The following GDAP2 variants were observed in gnomAD, a reference collection of about 807,000 sequenced individuals.
GDAP2 encodes ganglioside-induced differentiation-associated protein 2.
A neutral mutation model predicts 67.0 loss-of-function variants in GDAP2; 51 were observed. That is an observed-to-expected ratio of 0.76 (90% CI 0.61 to 0.96). GDAP2 has a LOEUF of 0.96. Ranked by LOEUF, GDAP2 falls within the 40% of genes least tolerant of loss-of-function variation. The pLI is 0.00. For synonymous variants in GDAP2, 203 were observed against 207.3 expected (o/e 0.98, Z 0.18); for missense variants, 547 against 588.3 (o/e 0.93, Z 0.73).
chr1:117,906,395 AGAT>A (rs1487571242), intron 6 of GDAP2, 108 bp downstream of exon 6: 42 of 658,236 alleles, frequency 6.4e-5, no homozygotes, highest in Non-Finnish European at 1.0e-4. Context: ...ATACATACAT[AGAT>A]CATTAGGATT....
At chr1:117,884,818 G>A (rs992805623) in intron 10 of GDAP2, among the ~76,000 whole-genome samples, 2 of 140,634 alleles carry the variant, frequency 1.4e-5, no homozygotes, top group Non-Finnish European at 1.5e-5. Context: ...CCCTCCGTGT[G>A]TGTGTGTGTG....
intron 13 of GDAP2, among the ~76,000 whole-genome samples, chr1:117,873,153 C>A (rs1294254724): frequency 6.6e-6 from 1 of 152,152 alleles, no homozygotes; most frequent in East Asian, 1.9e-4. Flanking sequence ...GCTGAGCAAT[C>A]AAATATTTTT....
chr1:117,927,302 G>C (rs1183312714), intron 1 of GDAP2, among the ~76,000 whole-genome samples: 1 of 151,936 alleles, frequency 6.6e-6, no homozygotes, highest in African/African-American at 2.4e-5. Context: ...GGATTGGCTA[G>C]AGAGATCAGA....
At position 117,922,368 on chromosome 1, in the gene GDAP2, G is replaced by A. The variant is rs560396673; in HGVS notation, c.-67-1944C>T. Among the ~76,000 whole-genome samples, 18 of 152,282 alleles carry A rather than the reference G, an allele frequency of 1.2e-4. 1 individual carries two copies. The South Asian group carries it at 3.3e-3, about 28-fold the overall frequency. ...AAAGGAAGGTAAACCAGGAAAGCAT[G>A]GTGGCCTAAAAGCCAAGTGAAGAAA... On this transcript the variant is annotated intron_variant, in intron 1 of 13. Transcript: ENST00000369443.
intron 5 of GDAP2, among the ~76,000 whole-genome samples, chr1:117,910,271 G>A (rs936697270): frequency 3.3e-5 from 5 of 151,734 alleles, no homozygotes; most frequent in African/African-American, 9.7e-5. Context: ...TTTGTACAAC[G>A]GACACCACAC....
intron 8 of GDAP2, among the ~76,000 whole-genome samples, chr1:117,890,834 T>C (rs574001308): frequency 6.6e-6 from 1 of 152,240 alleles, no homozygotes; most frequent in African/African-American, 2.4e-5. Context: ...TTTTGACTTA[T>C]CATATTGCTA....
chr1:117,900,469 A>G (rs1448218608), intron 6 of GDAP2, among the ~76,000 whole-genome samples: 1 of 152,148 alleles, frequency 6.6e-6, no homozygotes. Flanking sequence ...TGGACATTTC[A>G]TAAAAATGGA....
chr1:117,916,484 C>T (rs139040883), intron 3 of GDAP2, among the ~76,000 whole-genome samples: 9 of 152,188 alleles, frequency 5.9e-5, no homozygotes, highest in African/African-American at 1.9e-4. Flanking sequence ...TTGAAGTAAA[C>T]GAACAATAAG....
rs527499118 is a variant in GDAP2 at position 117,870,335 on chromosome 1, G to T, written c.*234C>A. 74 of 508,780 alleles carry T rather than the reference G, an allele frequency of 1.5e-4. No individual in the cohort carries two copies. The highest frequency in any genetic ancestry group is 1.4e-3 in the African/African-American group (69 of 50,686). The allele number at this position is 508,780 out of a possible 1,614,324, so 31.5% of individuals were successfully genotyped here. A position where few individuals can be genotyped will look rare whatever the true frequency, so the allele number is the denominator to read the frequency against. On this transcript the variant is annotated 3_prime_UTR_variant, in exon 14 of 14. Coordinates refer to ENST00000369443, the MANE Select transcript of GDAP2 (RefSeq NM_017686.4). ...CAATTTCTATTAACAATCTAAAAAT[G>T]AACATTTCCATTTCATATAAATATA...
rs199983268 is a variant in GDAP2 at position 117,920,165 on chromosome 1, T to C, written c.176+17A>G. On this transcript the variant is annotated intron_variant, in intron 2 of 13. Transcript: ENST00000369443. ...AAAGTGTTATCTCCTCATGATATGA[T>C]GTAATCAAAAAATTACCAAAGAACC... The C allele has an allele frequency of 9.7e-5, 141 of 1,456,726 alleles. 2 individuals carry two copies. The highest frequency in any genetic ancestry group is 6.7e-4 in the Admixed American group (39 of 58,102). The allele number at this position is 1,456,726 out of a possible 1,614,324, so 90.2% of individuals were successfully genotyped here. A position where few individuals can be genotyped will look rare whatever the true frequency, so the allele number is the denominator to read the frequency against.
chr1:117,929,119 T>C (rs1395529174), intron 1 of GDAP2, among the ~76,000 whole-genome samples: 17 of 152,010 alleles, frequency 1.1e-4, no homozygotes, highest in Non-Finnish European at 1.5e-5. Context: ...CACGGACTTG[T>C]CTTTGGGACT....
At chr1:117,893,898 A>T (rs536621175) in intron 8 of GDAP2, among the ~76,000 whole-genome samples, 1 of 152,190 alleles carries the variant, frequency 6.6e-6, no homozygotes, top group Non-Finnish European at 1.5e-5. Context: ...AGAGAAATTT[A>T]AAAAATATTC....
intron 8 of GDAP2, among the ~76,000 whole-genome samples, chr1:117,893,436 T>G (rs1265187826): frequency 6.6e-6 from 1 of 152,176 alleles, no homozygotes; most frequent in Non-Finnish European, 1.5e-5. Context: ...GACAAGGCAG[T>G]GCTACGAAAG....
chr1:117,928,044 T>A (rs1389064942), intron 1 of GDAP2, among the ~76,000 whole-genome samples: 1 of 152,202 alleles, frequency 6.6e-6, no homozygotes, highest in African/African-American at 2.4e-5. Context: ...CATCTGTGGT[T>A]GTCCCATCCC....
chr1:117,912,028 AC>A lies in GDAP2; in HGVS notation c.524del (p.Gly175ValfsTer4). 1 of 1,607,428 alleles carries A rather than the reference AC, an allele frequency of 6.2e-7. No homozygotes were observed. Among genetic ancestry groups the A allele is most frequent in the South Asian group, 1.1e-5 (1 of 90,802 alleles). ...GFCVINSAKRGYPLEDATHIA... is the reference protein window; with the variant it reads ...GFCVINSAKRXYPLEDATHIA... ...TGTGTGTTGCATCCTCTAAAGGATA[AC>A]CACGTTTTGCAGAATTGATGACACA... On this transcript the variant is annotated frameshift_variant, in exon 5 of 14. Coordinates refer to ENST00000369443, the MANE Select transcript of GDAP2 (RefSeq NM_017686.4). LOFTEE classifies it high-confidence loss of function.
chr1:117,900,888 G>A (rs749705296), intron 6 of GDAP2, among the ~76,000 whole-genome samples: 2 of 151,548 alleles, frequency 1.3e-5, no homozygotes, highest in Non-Finnish European at 2.9e-5. Flanking sequence ...GTGAAACCCC[G>A]TCTCTACTAA....
rs538616367 is a variant in GDAP2, at chr1:117,874,413, C to T, written c.1446+3596G>A. Among the ~76,000 whole-genome samples the T allele has an allele frequency of 3.2e-4, 48 of 152,198 alleles. 2 individuals are homozygous for T. Among genetic ancestry groups the T allele is most frequent in the South Asian group, 4.1e-4 (2 of 4,834 alleles). ...ACACCCACCAGCTCCCCTTACCCTTCGACCATGAGTAGAAGCAGCCTGAGT... is the reference window on the plus strand; with the variant it reads ...ACACCCACCAGCTCCCCTTACCCTTTGACCATGAGTAGAAGCAGCCTGAGT... On this transcript the variant is annotated intron_variant, in intron 13 of 13. Coordinates refer to ENST00000369443, the MANE Select transcript of GDAP2 (RefSeq NM_017686.4).
chr1:117,896,954 C>A lies in GDAP2; in HGVS notation c.832G>T (p.Asp278Tyr), dbSNP rs745691643. The A allele has an allele frequency of 3.7e-6, 6 of 1,611,104 alleles. No individual in the cohort carries two copies. The highest frequency in any genetic ancestry group is 4.2e-6 in the Non-Finnish European group (5 of 1,178,004). Residue 278 changes from aspartate (D) to tyrosine (Y), a missense_variant, in exon 8 of 14, where the codon GAT becomes TAT. Coordinates refer to ENST00000369443, the MANE Select transcript of GDAP2 (RefSeq NM_017686.4). Reference protein sequence around the residue: ...QEEEDEGLGVDLSFIGSHAFA... With the variant: ...QEEEDEGLGVYLSFIGSHAFA... ...GCATGAGAGCCAATGAAAGAGAGAT[C>A]AACTCCCAAGCCTTCATCCTCCTCT...
intron 1 of GDAP2, among the ~76,000 whole-genome samples, chr1:117,924,403 T>G (rs1217630444): frequency 6.6e-6 from 1 of 152,220 alleles, no homozygotes; most frequent in Non-Finnish European, 1.5e-5. Context: ...TGTTCCTGCA[T>G]TAGTTTGCTT....
Sources: gnomAD v4.1 joint callset for allele counts (sites outside exome capture counted in the v4.1 genomes callset) on GRCh38, gnomAD v4.1.1 for gene constraint, MANE v1.5 for transcripts, NCBI Gene and HGNC (gene_info 2026-07-23, HGNC 2026-07-21) for gene names.